The following HTR7 variants were observed in gnomAD, a reference collection of about 807,000 sequenced individuals.
HTR7 encodes 5-hydroxytryptamine receptor 7.
Under a neutral mutation model 34.0 loss-of-function variants are expected in HTR7, and 16 were observed. That is an observed-to-expected ratio of 0.47 (90% CI 0.32 to 0.71). HTR7 has a LOEUF of 0.71. HTR7 is among the 30% of genes least tolerant of loss of function. The probability of loss-of-function intolerance (pLI) is 0.04; values close to 1 mark genes in which losing one functional copy is unlikely to be tolerated. For missense variants in HTR7, 504 were observed against 625.5 expected (o/e 0.81, Z 2.07); for synonymous variants, 265 against 260.2 (o/e 1.02, Z -0.18).
chr10:90,782,225 C>T (rs572238821), intron 1 of HTR7, among the ~76,000 whole-genome samples: 3 of 152,296 alleles, frequency 2.0e-5, no homozygotes, highest in African/African-American at 7.2e-5. Flanking sequence ...AAAGAGAGGA[C>T]ACTGAGCAGC....
intron 1 of HTR7, among the ~76,000 whole-genome samples, chr10:90,815,284 G>T (rs1589463541): frequency 6.6e-6 from 1 of 152,004 alleles, no homozygotes; most frequent in Non-Finnish European, 1.5e-5. Flanking sequence ...TAGAGACAGG[G>T]TTTCACCGTG....
At chr10:90,759,849 A>G (rs902396556) in intron 1 of HTR7, among the ~76,000 whole-genome samples, 2 of 152,202 alleles carry the variant, frequency 1.3e-5, no homozygotes, top group East Asian at 1.9e-4. Context: ...TTAGAGCACT[A>G]ATCAATTCAA....
Position 90,788,972 on chromosome 10 carries a change from T to G in HTR7, c.540-39378A>C, listed in dbSNP as rs375381729. On this transcript the variant is annotated intron_variant, in intron 1 of 3. Coordinates refer to ENST00000336152, the MANE Select transcript of HTR7 (RefSeq NM_019859.4). ...CACCTCTACTGTAAGGTCCTTCCTA[T>G]CTGCACCCCACCCCAGCTACTTACT... Among the ~76,000 whole-genome samples the G allele has an allele frequency of 1.4e-4, 22 of 152,240 alleles. No homozygotes were observed. The East Asian group carries it at 4.1e-3, about 28-fold the overall frequency.
chr10:90,844,782 G>C (rs542005627), intron 1 of HTR7, among the ~76,000 whole-genome samples: 25 of 147,248 alleles, frequency 1.7e-4, no homozygotes, highest in African/African-American at 5.7e-4. Flanking sequence ...CTGGCTCAGG[G>C]GTTCTCACTC....
chr10:90,764,259 T>C (rs1489659660), intron 1 of HTR7, among the ~76,000 whole-genome samples: 4 of 152,218 alleles, frequency 2.6e-5, no homozygotes, highest in African/African-American at 7.2e-5. Flanking sequence ...ATGTCTTCTT[T>C]TGAGAAGTAT....
chr10:90,798,789 TC>T (rs1845579396), intron 1 of HTR7, among the ~76,000 whole-genome samples: 1 of 152,212 alleles, frequency 6.6e-6, no homozygotes, highest in South Asian at 2.1e-4. Flanking sequence ...CTCCAAGCTG[TC>T]CTTGCTCATT....
At chr10:90,759,275 A>C (rs1453414192) in intron 1 of HTR7, among the ~76,000 whole-genome samples, 2 of 152,174 alleles carry the variant, frequency 1.3e-5, no homozygotes, top group African/African-American at 4.8e-5. Context: ...ACATGAAAGA[A>C]CTTGAAGAGT....
rs530598027 is a variant in HTR7, at chr10:90,751,851, C to T, written c.540-2257G>A. ...ATGCCTTCCCACTTAAATAACAATC[C>T]CATCTTTTTCCTGGCTAAGTAAATA... On this transcript the variant is annotated intron_variant, in intron 1 of 3. Transcript: ENST00000336152. Among the ~76,000 whole-genome samples, 3 of 152,184 alleles carry T rather than the reference C, an allele frequency of 2.0e-5. No individual in the cohort carries two copies. The East Asian group carries it at 5.8e-4, about 29-fold the overall frequency.
chr10:90,848,840 T>A (rs377054734), intron 1 of HTR7, among the ~76,000 whole-genome samples: 2 of 152,346 alleles, frequency 1.3e-5, no homozygotes, highest in East Asian at 3.9e-4. Flanking sequence ...ACCAGAAGCA[T>A]CAGAATCACC....
At chr10:90,821,134 G>GCACACACACACACACACACACACACA (rs3035231) in intron 1 of HTR7, among the ~76,000 whole-genome samples, 1 of 150,204 alleles carries the variant, frequency 6.7e-6, no homozygotes, top group African/African-American at 2.5e-5. Flanking sequence ...ACACACACAT[G>GCACACACACACACACACACACACACA]CACACACACA....
intron 1 of HTR7, among the ~76,000 whole-genome samples, chr10:90,808,381 G>A (rs1845737451): frequency 6.6e-6 from 1 of 151,810 alleles, no homozygotes. Context: ...CTTTCTGGGG[G>A]GCAAGAAACT....
chr10:90,846,428 G>A (rs1846413944), intron 1 of HTR7, among the ~76,000 whole-genome samples: 1 of 152,162 alleles, frequency 6.6e-6, no homozygotes, highest in Non-Finnish European at 1.5e-5. Flanking sequence ...AGCTGCATGT[G>A]ATAAACAACA....
intron 1 of HTR7, among the ~76,000 whole-genome samples, chr10:90,785,207 T>C (rs1239899670): frequency 6.6e-6 from 1 of 152,204 alleles, no homozygotes; most frequent in African/African-American, 2.4e-5. Context: ...GTACAATGGT[T>C]GATATGACAT....
intron 1 of HTR7, among the ~76,000 whole-genome samples, chr10:90,750,685 T>G (rs1844719730): frequency 6.6e-6 from 1 of 152,170 alleles, no homozygotes; most frequent in African/African-American, 2.4e-5. Flanking sequence ...TTTCTGAAAG[T>G]TAGTCAGTTA....
chr10:90,786,498 C>T lies in HTR7; in HGVS notation c.540-36904G>A, dbSNP rs116682571. Among the ~76,000 whole-genome samples the T allele has an allele frequency of 1.4e-3, 214 of 152,216 alleles. 1 individual carries two copies. The highest frequency in any genetic ancestry group is 5.0e-3 in the African/African-American group (209 of 41,534). ...CAACATAAGAATAGGCTATGAAATG[C>T]TTAAATAGATGGAAAAGTCATGAGA... On this transcript the variant is annotated intron_variant, in intron 1 of 3. Transcript: ENST00000336152.
chr10:90,771,136 G>T lies in HTR7; in HGVS notation c.540-21542C>A, dbSNP rs892469318. On this transcript the variant is annotated intron_variant, in intron 1 of 3. Coordinates refer to ENST00000336152, the MANE Select transcript of HTR7 (RefSeq NM_019859.4). ...CCTCTCTGCTGGGAGCCAAACACTT[G>T]TTGGGAAGACCTGCCTGCAAAGAGG... Among the ~76,000 whole-genome samples the T allele has an allele frequency of 1.8e-4, 27 of 152,000 alleles. 1 individual carries two copies. Among genetic ancestry groups the T allele is most frequent in the Admixed American group, 6.6e-4 (10 of 15,266 alleles).
intron 1 of HTR7, among the ~76,000 whole-genome samples, chr10:90,796,311 C>T (rs1013514369): frequency 2.0e-5 from 3 of 152,172 alleles, no homozygotes; most frequent in African/African-American, 7.2e-5. Context: ...AGAAGTCCCA[C>T]AAAACAATGA....
intron 1 of HTR7, among the ~76,000 whole-genome samples, chr10:90,801,329 G>A (rs1845622714): frequency 6.6e-6 from 1 of 152,098 alleles, no homozygotes. Flanking sequence ...TCTTCCATTA[G>A]ATTTGACCAA....
chr10:90,759,381 C>T (rs1469858707), intron 1 of HTR7, among the ~76,000 whole-genome samples: 1 of 151,796 alleles, frequency 6.6e-6, no homozygotes, highest in African/African-American at 2.4e-5. Context: ...AAAGGCCGGG[C>T]GCGGTGGCTC....
Sources: gnomAD v4.1 joint callset for allele counts (sites outside exome capture counted in the v4.1 genomes callset) on GRCh38, gnomAD v4.1.1 for gene constraint, MANE v1.5 for transcripts, NCBI Gene and HGNC (gene_info 2026-07-23, HGNC 2026-07-21) for gene names.